Variants in SNX31 observed in about 807,000 individuals in gnomAD.
The protein encoded by SNX31 is sorting nexin-31.
Under a neutral mutation model 65.4 loss-of-function variants are expected in SNX31, and 58 were observed. The ratio of observed to expected loss-of-function variants is 0.89; its 90% confidence interval spans 0.72 to 1.10. The LOEUF (loss-of-function observed/expected upper bound fraction) is 1.10. Ranked by LOEUF, SNX31 falls within the 50% of genes least tolerant of loss-of-function variation. The pLI is 0.00. For synonymous variants in SNX31, 181 were observed against 190.1 expected, an observed-to-expected ratio of 0.95 and a Z score of 0.39; for missense variants, 523 against 529.7, an observed-to-expected ratio of 0.99 and a Z score of 0.12.
In SNX31 at chr8:100,630,014, G is replaced by A. The variant is rs1387821502; in HGVS notation, c.321+313C>T. ...CTTAATGATAAAGGCTGTAGTTCTT[G>A]TACTGTACTTGAAGGTCCTCTTCTT... On this transcript the variant is annotated intron_variant, in intron 4 of 13. Coordinates refer to ENST00000311812, the MANE Select transcript of SNX31 (RefSeq NM_152628.4). The surrounding 1 kb of genome is among the most constrained non-coding windows in gnomAD (Gnocchi z 5.3). Among the ~76,000 whole-genome samples, 1 of 152,178 alleles carries A rather than the reference G, an allele frequency of 6.6e-6. No homozygotes were observed. Among genetic ancestry groups the A allele is most frequent in the Non-Finnish European group, 1.5e-5 (1 of 68,034 alleles).
At position 100,576,893 on chromosome 8, in the gene SNX31, A is replaced by G. The variant is rs1813090193; in HGVS notation, c.1227+126T>C. On this transcript the variant is annotated intron_variant, in intron 13 of 13. Coordinates refer to ENST00000311812, the MANE Select transcript of SNX31 (RefSeq NM_152628.4). The surrounding 1 kb of genome is among the most constrained non-coding windows in gnomAD (Gnocchi z 4.8). The stretch of plus-strand genomic sequence containing the variant: ...GGCCTTCCAATTGGCCCAATCTACA[A>G]AGAGGAGCTTCTGAGAAACATAATT... 1.2e-6 allele frequency: 1 copy of G among 805,346 alleles called. No homozygotes were observed. Among genetic ancestry groups the G allele is most frequent in the Admixed American group, 2.4e-5 (1 of 41,522 alleles). The allele number at this position is 805,346 out of a possible 1,614,324, so 49.9% of individuals were successfully genotyped here.
chr8:100,620,627 A>T (rs1207138667), intron 4 of SNX31, among the ~76,000 whole-genome samples: 1 of 152,220 alleles, frequency 6.6e-6, no homozygotes, highest in Non-Finnish European at 1.5e-5. Context: ...CACATCATTT[A>T]TGGATAAAAT....
intron 2 of SNX31, among the ~76,000 whole-genome samples, chr8:100,647,537 C>T (rs1819720606): frequency 6.6e-6 from 1 of 152,176 alleles, no homozygotes; most frequent in South Asian, 2.1e-4. Flanking sequence ...TGCTTGAAGC[C>T]TCTTGAGTCC....
chr8:100,630,413 C>T lies in SNX31; in HGVS notation c.257-22G>A. On this transcript the variant is annotated intron_variant, in intron 3 of 13. Coordinates refer to ENST00000311812, the MANE Select transcript of SNX31 (RefSeq NM_152628.4). This position sits in a 1 kb window ranked among gnomAD's most constrained non-coding sequence, Gnocchi z 5.3. ...GTTACTGAAAAACATGGACGGTGAG[C>T]CAGGTTAGCATGGGCTGGGCTGGGC... 6.2e-7 allele frequency: 1 copy of T among 1,608,492 alleles called. No homozygotes were observed. The highest frequency in any genetic ancestry group is 1.1e-5 in the South Asian group (1 of 89,892).
At chr8:100,611,964 C>T (rs1816750117) in intron 7 of SNX31, 36 bp downstream of exon 7, 16 of 1,535,854 alleles carry the variant, frequency 1.0e-5, no homozygotes, top group South Asian at 1.1e-5. Context: ...GGCGAAGTGT[C>T]GTCAAACGCC....
chr8:100,657,070 A>G (rs1820063921), intron 1 of SNX31, among the ~76,000 whole-genome samples: 1 of 152,250 alleles, frequency 6.6e-6, no homozygotes, highest in Non-Finnish European at 1.5e-5. Context: ...TGTACCTTAC[A>G]GTAAATTAAT....
At chr8:100,582,792 G>C (rs1449406971) in intron 12 of SNX31, among the ~76,000 whole-genome samples, 2 of 151,354 alleles carry the variant, frequency 1.3e-5, no homozygotes, top group African/African-American at 4.9e-5. Context: ...CCTGGCTAAC[G>C]TGGTGCAACC....
intron 2 of SNX31, among the ~76,000 whole-genome samples, chr8:100,637,381 C>T (rs1818852790): frequency 6.6e-6 from 1 of 152,166 alleles, no homozygotes; most frequent in South Asian, 2.1e-4. Flanking sequence ...TATTACCATA[C>T]TCAGTGGCTT....
chr8:100,604,957 G>A lies in SNX31; in HGVS notation c.681+3537C>T, dbSNP rs1008163705. Among the ~76,000 whole-genome samples, 1 of 151,750 alleles carries A rather than the reference G, an allele frequency of 6.6e-6. No individual in the cohort carries two copies. The highest frequency in any genetic ancestry group is 1.5e-5 in the Non-Finnish European group (1 of 67,992). On this transcript the variant is annotated intron_variant, in intron 8 of 13. Coordinates refer to ENST00000311812, the MANE Select transcript of SNX31 (RefSeq NM_152628.4). The surrounding 1 kb of genome is among the most constrained non-coding windows in gnomAD (Gnocchi z 4.3). ...GCTGTCACCCAAGCAGGAGTACAGTGACATATTCTTGGCTCCCTGCAACCT... is the reference window on the plus strand; with the variant it reads ...GCTGTCACCCAAGCAGGAGTACAGTAACATATTCTTGGCTCCCTGCAACCT...
intron 1 of SNX31, among the ~76,000 whole-genome samples, chr8:100,659,322 C>T (rs1026505933): frequency 6.8e-6 from 1 of 147,250 alleles, no homozygotes; most frequent in Non-Finnish European, 1.5e-5. Flanking sequence ...TCCAGCCTCT[C>T]CAGCCTGGGC....
At chr8:100,635,571 G>A (rs953281695) in intron 3 of SNX31, among the ~76,000 whole-genome samples, 3 of 144,038 alleles carry the variant, frequency 2.1e-5, no homozygotes, top group African/African-American at 7.9e-5. Flanking sequence ...AAAAAAAAAA[G>A]GTATTTTTAA....
At chr8:100,623,857 C>T (rs909102637) in intron 4 of SNX31, among the ~76,000 whole-genome samples, 1 of 152,072 alleles carries the variant, frequency 6.6e-6, no homozygotes, top group Non-Finnish European at 1.5e-5. Context: ...TAGATCATCT[C>T]GAAGGGAAAG....
chr8:100,621,444 G>A (rs900177897), intron 4 of SNX31, among the ~76,000 whole-genome samples: 1 of 152,156 alleles, frequency 6.6e-6, no homozygotes, highest in Non-Finnish European at 1.5e-5. Flanking sequence ...AAGAAATAAC[G>A]GAGTCAAAGA....
intron 4 of SNX31, chr8:100,618,166 G>T (rs1359762235): frequency 1.0e-6 from 1 of 983,946 alleles, no homozygotes; most frequent in Admixed American, 6.1e-5. Flanking sequence ...GTTCCCAAGA[G>T]ACAAGTGCAG....
intron 3 of SNX31, 121 bp downstream of exon 3, chr8:100,635,776 G>A (rs193056948): frequency 5.3e-4 from 343 of 647,882 alleles, no homozygotes; most frequent in African/African-American, 4.9e-3. Flanking sequence ...TACGGTAATG[G>A]TCGCACAATT....
rs1812936050 is a variant in SNX31, at chr8:100,575,055, T to C, written c.1228-1095A>G. Among the ~76,000 whole-genome samples the C allele has an allele frequency of 6.6e-6, 1 of 151,822 alleles. No homozygotes were observed. Among genetic ancestry groups the C allele is most frequent in the African/African-American group, 2.4e-5 (1 of 41,328 alleles). Reference sequence around the variant, plus strand: ...ATCTCAAAGACACGGTTATGGAAAGTGGAAAGTGAAAAAAAAAATGTGGAG... The same window carrying C: ...ATCTCAAAGACACGGTTATGGAAAGCGGAAAGTGAAAAAAAAAATGTGGAG... On this transcript the variant is annotated intron_variant, in intron 13 of 13. Coordinates refer to ENST00000311812, the MANE Select transcript of SNX31 (RefSeq NM_152628.4). This position sits in a 1 kb window ranked among gnomAD's most constrained non-coding sequence, Gnocchi z 5.1.
Position 100,573,302 on chromosome 8 carries a change from G to A in SNX31, c.*563C>T, listed in dbSNP as rs866257871. 1 of 152,174 alleles carries A rather than the reference G, an allele frequency of 6.6e-6. No homozygotes were observed. Among genetic ancestry groups the A allele is most frequent in the African/African-American group, 2.4e-5 (1 of 41,436 alleles). 9.4% of individuals were successfully genotyped at this position (152,174 alleles called of 1,614,324 possible). On this transcript the variant is annotated 3_prime_UTR_variant, in exon 14 of 14. Transcript: ENST00000311812. ...ATTGGTAGGCTCAGACTTATGTGAG[G>A]AAAGAGATCAGTATTTCATCACCTC...
chr8:100,616,750 A>T (rs1256467060), intron 5 of SNX31, among the ~76,000 whole-genome samples: 1 of 152,186 alleles, frequency 6.6e-6, no homozygotes, highest in Non-Finnish European at 1.5e-5. Context: ...GAATAGGTTA[A>T]GTCAAGGCAG....
rs1407276969 is a variant in SNX31, at chr8:100,609,115, T to G, written c.612-552A>C. 6.6e-6 allele frequency among the ~76,000 whole-genome samples: 1 copy of G among 152,170 alleles called. No individual in the cohort carries two copies. Among genetic ancestry groups the G allele is most frequent in the Non-Finnish European group, 1.5e-5 (1 of 68,030 alleles). Reference sequence around the variant, plus strand: ...GAGTTAGATATTTATTCTACTCACTTTCAAGGCCCTTCCGGGGACCACCCC... The same window carrying G: ...GAGTTAGATATTTATTCTACTCACTGTCAAGGCCCTTCCGGGGACCACCCC... On this transcript the variant is annotated intron_variant, in intron 7 of 13. Coordinates refer to ENST00000311812, the MANE Select transcript of SNX31 (RefSeq NM_152628.4). The surrounding 1 kb of genome is among the most constrained non-coding windows in gnomAD (Gnocchi z 4.9).
Sources: gnomAD v4.1 joint callset for allele counts (sites outside exome capture counted in the v4.1 genomes callset) on GRCh38, gnomAD v4.1.1 for gene constraint, Gnocchi (gnomAD v3.1) non-coding constraint, MANE v1.5 for transcripts, NCBI Gene and HGNC (gene_info 2026-07-23, HGNC 2026-07-21) for gene names.